TSC2: variants seen among roughly 807,000 people sequenced by gnomAD.
The protein encoded by TSC2 is TSC complex subunit 2.
In TSC2, 29 loss-of-function variants were observed where a neutral mutation model predicts 202.2. That is an observed-to-expected ratio of 0.14 (90% CI 0.11 to 0.20). TSC2 has a LOEUF of 0.20. Among genes scored for constraint, TSC2 ranks in the 10% least tolerant of loss-of-function variants. The probability of loss-of-function intolerance (pLI) is 1.00; values close to 1 mark genes in which losing one functional copy is unlikely to be tolerated. For missense variants in TSC2, 2,429 were observed against 2,420.0 expected (o/e 1.00, Z -0.08); for synonymous variants, 1,349 against 1,044.0 (o/e 1.29, Z -5.63).
At chr16:2,086,923 G>T (rs1427805487) in intron 38 of TSC2, 52 bp downstream of exon 38, 3 of 1,549,966 alleles carry the variant, frequency 1.9e-6, no homozygotes, top group South Asian at 2.4e-5. Context: ...GCCCACTGCT[G>T]TGTCCCGGGT....
At chr16:2,076,829 G>A (rs2151400701) in intron 25 of TSC2, among the ~76,000 whole-genome samples, 2 of 152,322 alleles carry the variant, frequency 1.3e-5, no homozygotes, top group East Asian at 3.9e-4. Context: ...TGGGGGTTGG[G>A]GTGCAAGCTT....
intron 38 of TSC2, 152 bp downstream of exon 38, chr16:2,087,023 C>G: frequency 8.3e-7 from 1 of 1,207,534 alleles, no homozygotes; most frequent in Non-Finnish European, 1.2e-6. Context: ...GAGCTTCACC[C>G]CGAGCCTGCG....
Position 2,079,710 on chromosome 16 carries a change from C to A in TSC2, c.3397+41C>A. ...AGCCACCTCCACACAGGCACCGGGG[C>A]TCCCTCAGTTGCTGCTGGTCCCAGT... On this transcript the variant is annotated intron_variant, in intron 29 of 41. Transcript: ENST00000219476. The surrounding 1 kb of genome is among the most constrained non-coding windows in gnomAD (Gnocchi z 4.6). The A allele has an allele frequency of 1.3e-6, 2 of 1,535,172 alleles. No individual in the cohort carries two copies. The highest frequency in any genetic ancestry group is 8.8e-7 in the Non-Finnish European group (1 of 1,137,346).
intron 29 of TSC2, 31 bp from the exon 30 acceptor site, chr16:2,080,134 G>C: frequency 6.2e-7 from 1 of 1,612,280 alleles, no homozygotes; most frequent in Non-Finnish European, 8.5e-7. Flanking sequence ...CAGGTAAGTG[G>C]TGGTCACCAG....
In TSC2 at chr16:2,084,935, T is replaced by TC. The variant is rs2090575419; in HGVS notation, c.4494-12dup. 12 of 1,612,982 alleles carry TC rather than the reference T, an allele frequency of 7.4e-6. No homozygotes were observed. In the South Asian group the frequency reaches 7.7e-5, roughly 10 times the overall value. On this transcript the variant is annotated splice_polypyrimidine_tract_variant and intron_variant, in intron 34 of 41. Coordinates refer to ENST00000219476, the MANE Select transcript of TSC2 (RefSeq NM_000548.5). Reference sequence around the variant, plus strand: ...CAGGCCCTCACCTGGGTGCCCACCATCCCCTCCCTGTGCAGTTTCGTGTTC... The same window carrying TC: ...CAGGCCCTCACCTGGGTGCCCACCATCCCCCTCCCTGTGCAGTTTCGTGTTC...
At position 2,071,909 on chromosome 16, in the gene TSC2, G is replaced by T. The variant is rs370553131; in HGVS notation, c.2072G>T (p.Arg691Leu). The T allele has an allele frequency of 1.6e-5, 25 of 1,592,344 alleles. No homozygotes were observed. The highest frequency in any genetic ancestry group is 1.7e-4 in the Middle Eastern group (1 of 5,908). The stretch of plus-strand genomic sequence containing the variant: ...TCCGTGCCCTACTCCCTGCTCTTCC[G>T]CGTCCTGCTGCAGTGCTTGAAGCAG... The part of the protein sequence containing the change: ...LGSVPYSLLF[R>L]VLLQCLKQES... Residue 691 changes from arginine (R) to leucine (L), a missense_variant, in exon 19 of 42, where the codon CGC (arginine) becomes CTC (leucine). Coordinates refer to ENST00000219476, the MANE Select transcript of TSC2 (RefSeq NM_000548.5).
chr16:2,064,607 G>A, intron 15 of TSC2, 180 bp downstream of exon 15: 3 of 919,010 alleles, frequency 3.3e-6, no homozygotes, highest in Non-Finnish European at 5.0e-6. Flanking sequence ...TGCTGGATTT[G>A]TGTCCTGACT....
rs2089912702 is a variant in TSC2, at chr16:2,079,895, C to A, written c.3397+226C>A. ...GGGCCTGCTCTGGGTGCTGGTGTTTCCTGCGGGTTTTCAGCTCGGCTCAGT... is the reference window on the plus strand; with the variant it reads ...GGGCCTGCTCTGGGTGCTGGTGTTTACTGCGGGTTTTCAGCTCGGCTCAGT... On this transcript the variant is annotated intron_variant, in intron 29 of 41. Coordinates refer to ENST00000219476, the MANE Select transcript of TSC2 (RefSeq NM_000548.5). This position sits in a 1 kb window ranked among gnomAD's most constrained non-coding sequence, Gnocchi z 4.6. Among the ~76,000 whole-genome samples the A allele has an allele frequency of 6.6e-6, 1 of 152,218 alleles. No homozygotes were observed.
At chr16:2,072,667 G>C in intron 20 of TSC2, 182 bp from the exon 21 acceptor site, 1 of 1,005,918 alleles carries the variant, frequency 9.9e-7, no homozygotes, top group Non-Finnish European at 1.5e-6. Flanking sequence ...TTCCTGGTGT[G>C]TTACTTGGCA....
rs372463702 is a variant in TSC2 at position 2,058,880 on chromosome 16, C to G, written c.975+7C>G. 6.2e-7 allele frequency: 1 copy of G among 1,606,450 alleles called. No individual in the cohort carries two copies. Among genetic ancestry groups the G allele is most frequent in the Non-Finnish European group, 8.5e-7 (1 of 1,176,772 alleles). ...GTTGCCATCATTTTACCAGGTAAGG[C>G]GGTTTCTGTGTGCAGTGAGCTGGCA... On this transcript the variant is annotated splice_region_variant and intron_variant, in intron 10 of 41. Transcript: ENST00000219476.
At chr16:2,086,457 C>T (rs756673198) in intron 37 of TSC2, 78 bp downstream of exon 37, 2 of 1,557,762 alleles carry the variant, frequency 1.3e-6, no homozygotes, top group Non-Finnish European at 1.7e-6. Context: ...TACCCCACGC[C>T]CTGGGGCATG....
At chr16:2,071,435 C>T (rs2088364184) in intron 17 of TSC2, 75 bp from the exon 18 acceptor site, 2 of 1,522,326 alleles carry the variant, frequency 1.3e-6, no homozygotes, top group Admixed American at 1.8e-5. Flanking sequence ...GGACGTGGGT[C>T]TGAGCAGGTG....
At chr16:2,050,835 C>A (rs532888168) in intron 3 of TSC2, among the ~76,000 whole-genome samples, 1 of 151,904 alleles carries the variant, frequency 6.6e-6, no homozygotes, top group African/African-American at 2.4e-5. Flanking sequence ...GAACCATATG[C>A]CTCAGCCTCC....
rs1555438692 is a variant in TSC2 at position 2,086,843 on chromosome 16, G to T, written c.4961G>T (p.Gly1654Val). Residue 1654 changes from glycine (G) to valine (V), a missense_variant, in exon 38 of 42, where the codon GGT becomes GTT. By Grantham distance (109) the Gly-to-Val change is moderately radical (BLOSUM62 -3). Transcript: ENST00000219476. ...GTGTCCATTGTCTACAATGACTCCG[G>T]TGAGGACTTCAAGCTTGGCACCATC... The part of the protein sequence containing the change: ...DFVSIVYNDS[G>V]EDFKLGTIKG... 2 of 1,603,192 alleles carry T rather than the reference G, an allele frequency of 1.2e-6. No homozygotes were observed. Among genetic ancestry groups the T allele is most frequent in the Non-Finnish European group, 1.7e-6 (2 of 1,175,758 alleles).
chr16:2,072,918 C>A lies in TSC2; in HGVS notation c.2290C>A (p.Leu764Met), dbSNP rs777614710. The change falls in exon 21 of 42, where the codon CTG becomes ATG. Residue 764 changes from leucine (L) to methionine (M), a missense_variant. Leu to Met is a conservative substitution (Grantham distance 15, BLOSUM62 2). Transcript: ENST00000219476. Reference sequence around the variant, plus strand: ...AGGCTTCTCCAGAACTGACTTGCACCTGGCCGTGGTTCCAGTGCTGACAGC... The same window carrying A: ...AGGCTTCTCCAGAACTGACTTGCACATGGCCGTGGTTCCAGTGCTGACAGC... The part of the protein sequence containing the change: ...PEGFSRTDLH[L>M]AVVPVLTALI... 2 of 1,613,690 alleles carry A rather than the reference C, an allele frequency of 1.2e-6. No individual in the cohort carries two copies. The highest frequency in any genetic ancestry group is 1.7e-6 in the Non-Finnish European group (2 of 1,180,038).
intron 22 of TSC2, 43 bp downstream of exon 22, chr16:2,074,432 G>A (rs766786766): frequency 1.2e-6 from 2 of 1,601,932 alleles, no homozygotes; most frequent in South Asian, 2.2e-5. Context: ...AGAGGTTCGG[G>A]CTGTGTAACC....
chr16:2,086,442 C>T (rs996148200), intron 37 of TSC2, 63 bp downstream of exon 37: 4 of 1,578,260 alleles, frequency 2.5e-6, no homozygotes, highest in African/African-American at 1.4e-5. Flanking sequence ...CCCATCCAGT[C>T]CTGCTACCCC....
chr16:2,062,702 C>G (rs1292871591), intron 13 of TSC2, 102 bp downstream of exon 13: 2 of 1,262,034 alleles, frequency 1.6e-6, no homozygotes, highest in East Asian at 2.5e-5. Flanking sequence ...GAGCAGGGCC[C>G]TCCCCTCTGC....
chr16:2,088,872 T>TGC lies in TSC2; in HGVS notation c.*271_*272dup, dbSNP rs561630495. The TGC allele has an allele frequency of 6.4e-3, 3,189 of 499,932 alleles. 16 individuals carry two copies. Among genetic ancestry groups the TGC allele is most frequent in the African/African-American group, 0.022 (1,037 of 47,602 alleles). The allele number at this position is 499,932 out of a possible 1,614,324, so 31.0% of individuals were successfully genotyped here. On this transcript the variant is annotated 3_prime_UTR_variant, in exon 42 of 42. Coordinates refer to ENST00000219476, the MANE Select transcript of TSC2 (RefSeq NM_000548.5). The stretch of plus-strand genomic sequence containing the variant: ...CTGGGCCATACAGCACACTCGCGCG[T>TGC]GCGCGCGCGCACACACACACACACA...
Sources: gnomAD v4.1 joint callset for allele counts (sites outside exome capture counted in the v4.1 genomes callset) on GRCh38, gnomAD v4.1.1 for gene constraint, Gnocchi (gnomAD v3.1) non-coding constraint, MANE v1.5 for transcripts, NCBI Gene and HGNC (gene_info 2026-07-23, HGNC 2026-07-21) for gene names.